Variants in GRIA4 observed in about 807,000 individuals in gnomAD.
GRIA4 encodes glutamate ionotropic receptor AMPA type subunit 4.
GRIA4 carries 34 observed loss-of-function variants against 104.0 expected under a neutral mutation model. The ratio of observed to expected loss-of-function variants is 0.33; its 90% confidence interval spans 0.25 to 0.44. The LOEUF is 0.44. Ranked by LOEUF, GRIA4 falls within the 20% of genes least tolerant of loss-of-function variation. The pLI is 1.00. For synonymous variants in GRIA4, 386 were observed against 381.9 expected, an observed-to-expected ratio of 1.01 and a Z score of -0.13; for missense variants, 750 against 1,096.5, an observed-to-expected ratio of 0.68 and a Z score of 4.46.
chr11:105,770,371 G>GGAATA (rs1941154841), intron 4 of GRIA4, among the ~76,000 whole-genome samples: 1 of 151,960 alleles, frequency 6.6e-6, no homozygotes, highest in East Asian at 1.9e-4. Context: ...CATTTATGAT[G>GGAATA]CATATTTTTG....
chr11:105,770,104 G>A (rs1196303724), intron 4 of GRIA4, among the ~76,000 whole-genome samples: 1 of 151,998 alleles, frequency 6.6e-6, no homozygotes, highest in Non-Finnish European at 1.5e-5. Context: ...TACATACATA[G>A]AATATGGATG....
intron 14 of GRIA4, among the ~76,000 whole-genome samples, chr11:105,960,663 C>T (rs1468003442): frequency 1.3e-5 from 2 of 152,212 alleles, no homozygotes; most frequent in Admixed American, 1.3e-4. Flanking sequence ...GGTTGCCCCT[C>T]CCCCCGGGAG....
chr11:105,867,324 A>G (rs952279187), intron 5 of GRIA4, among the ~76,000 whole-genome samples: 1 of 152,188 alleles, frequency 6.6e-6, no homozygotes, highest in African/African-American at 2.4e-5. Flanking sequence ...ATCCCAGTTA[A>G]CTTATTCTAA....
chr11:105,800,279 G>T (rs1044060702), intron 4 of GRIA4, among the ~76,000 whole-genome samples: 1 of 151,988 alleles, frequency 6.6e-6, no homozygotes, highest in Non-Finnish European at 1.5e-5. Flanking sequence ...GTGAAATCAA[G>T]AGAAATGACA....
chr11:105,659,813 T>C (rs995340006), intron 3 of GRIA4, among the ~76,000 whole-genome samples: 3 of 151,636 alleles, frequency 2.0e-5, no homozygotes, highest in African/African-American at 4.8e-5. Flanking sequence ...TGAAAGAACA[T>C]CACAAAAATT....
intron 3 of GRIA4, among the ~76,000 whole-genome samples, chr11:105,671,382 A>G (rs1222119977): frequency 1.3e-5 from 2 of 152,112 alleles, no homozygotes; most frequent in Non-Finnish European, 2.9e-5. Flanking sequence ...TTTCAAAATA[A>G]GAATAACTTT....
At chr11:105,815,180 C>T (rs1371273968) in intron 4 of GRIA4, among the ~76,000 whole-genome samples, 1 of 152,160 alleles carries the variant, frequency 6.6e-6, no homozygotes, top group East Asian at 1.9e-4. Flanking sequence ...AGCCTTCCTA[C>T]CTGACATCTC....
chr11:105,871,947 AT>A (rs1206393321), intron 5 of GRIA4, among the ~76,000 whole-genome samples: 1 of 152,132 alleles, frequency 6.6e-6, no homozygotes, highest in Non-Finnish European at 1.5e-5. Context: ...CTAAAGCAAC[AT>A]TTATGTTTAT....
At chr11:105,612,582 G>T in intron 3 of GRIA4, 148 bp downstream of exon 3, 1 of 575,660 alleles carries the variant, frequency 1.7e-6, no homozygotes, top group Non-Finnish European at 2.9e-6. Context: ...TTAAAAACAA[G>T]ACTTCGTTTC....
chr11:105,847,637 C>T (rs1281162376), intron 4 of GRIA4, among the ~76,000 whole-genome samples: 12 of 151,980 alleles, frequency 7.9e-5, no homozygotes, highest in Admixed American at 7.9e-4. Context: ...ATTTTGAATG[C>T]TGAAAAATTT....
chr11:105,739,147 A>C (rs927441135), intron 3 of GRIA4, among the ~76,000 whole-genome samples: 1 of 152,148 alleles, frequency 6.6e-6, no homozygotes, highest in African/African-American at 2.4e-5. Flanking sequence ...CTTTACACTG[A>C]ATGGAATCTT....
At chr11:105,777,161 T>C (rs1941487887) in intron 4 of GRIA4, among the ~76,000 whole-genome samples, 1 of 152,216 alleles carries the variant, frequency 6.6e-6, no homozygotes, top group African/African-American at 2.4e-5. Flanking sequence ...ATGTAAGTGA[T>C]TCTAATTTTT....
chr11:105,679,730 G>T (rs1015047356), intron 3 of GRIA4, among the ~76,000 whole-genome samples: 1 of 152,058 alleles, frequency 6.6e-6, no homozygotes, highest in Non-Finnish European at 1.5e-5. Flanking sequence ...ACATATTTAT[G>T]ACAAAATAAG....
intron 3 of GRIA4, among the ~76,000 whole-genome samples, chr11:105,626,311 A>T (rs906239326): frequency 4.6e-5 from 7 of 152,104 alleles, no homozygotes; most frequent in African/African-American, 1.7e-4. Context: ...TTGAAAAGAA[A>T]TGACAAAAGA....
At chr11:105,955,404 C>A (rs1375632524) in intron 14 of GRIA4, among the ~76,000 whole-genome samples, 1 of 152,092 alleles carries the variant, frequency 6.6e-6, no homozygotes, top group African/African-American at 2.4e-5. Context: ...TTAGTTTGAT[C>A]AGGATGATGG....
intron 3 of GRIA4, among the ~76,000 whole-genome samples, chr11:105,627,875 A>C (rs1334711377): frequency 6.6e-6 from 1 of 152,204 alleles, no homozygotes; most frequent in East Asian, 1.9e-4. Context: ...TACTGATTAA[A>C]TATCAAGCAT....
At chr11:105,976,281 A>G (rs768302126) in intron 16 of GRIA4, among the ~76,000 whole-genome samples, 55 of 152,238 alleles carry the variant, frequency 3.6e-4, no homozygotes, top group Non-Finnish European at 7.7e-4. Flanking sequence ...GCAAATAAAA[A>G]AAGAGTATTA....
chr11:105,626,014 C>A (rs1950877566), intron 3 of GRIA4, among the ~76,000 whole-genome samples: 1 of 151,992 alleles, frequency 6.6e-6, no homozygotes, highest in Non-Finnish European at 1.5e-5. Flanking sequence ...GATTAAAATG[C>A]AGAAAAGGTT....
intron 4 of GRIA4, among the ~76,000 whole-genome samples, chr11:105,850,607 C>G (rs1944771973): frequency 6.6e-6 from 1 of 152,076 alleles, no homozygotes; most frequent in Non-Finnish European, 1.5e-5. Flanking sequence ...CAAACTGGAC[C>G]ACAGGGCAGC....
Sources: gnomAD v4.1 joint callset for allele counts (sites outside exome capture counted in the v4.1 genomes callset) on GRCh38, gnomAD v4.1.1 for gene constraint, MANE v1.5 for transcripts, NCBI Gene and HGNC (gene_info 2026-07-23, HGNC 2026-07-21) for gene names.